The following SDC2 variants were observed in gnomAD, a reference collection of about 807,000 sequenced individuals.
SDC2 encodes the protein syndecan 2.
SDC2 carries 13 observed loss-of-function variants against 22.2 expected under a neutral mutation model. The ratio of observed to expected loss-of-function variants is 0.59; its 90% confidence interval spans 0.38 to 0.93. The LOEUF (loss-of-function observed/expected upper bound fraction) is 0.93. Among genes scored for constraint, SDC2 ranks in the 40% least tolerant of loss-of-function variants. SDC2 has a pLI of 0.00. For missense variants in SDC2, 235 were observed against 246.8 expected (o/e 0.95, Z 0.32); for synonymous variants, 94 against 92.8 (o/e 1.01, Z -0.07).
At chr8:96,515,231 AC>A (rs1397566974) in intron 1 of SDC2, among the ~76,000 whole-genome samples, 1 of 152,156 alleles carries the variant, frequency 6.6e-6, no homozygotes, top group African/African-American at 2.4e-5. Context: ...CTTTCTACTT[AC>A]TGCCTTGCAA....
intron 1 of SDC2, among the ~76,000 whole-genome samples, chr8:96,560,548 G>A (rs1180535424): frequency 6.6e-6 from 1 of 152,130 alleles, no homozygotes; most frequent in Non-Finnish European, 1.5e-5. Context: ...GGAAAGGATG[G>A]AGTTTTATGT....
intron 1 of SDC2, among the ~76,000 whole-genome samples, chr8:96,567,863 T>A (rs984603340): frequency 1.3e-5 from 2 of 152,218 alleles, no homozygotes; most frequent in South Asian, 4.1e-4. Context: ...CAGGCACTCT[T>A]AGACAATGTG....
At chr8:96,531,754 T>C (rs1195161846) in intron 1 of SDC2, among the ~76,000 whole-genome samples, 1 of 152,240 alleles carries the variant, frequency 6.6e-6, no homozygotes, top group Non-Finnish European at 1.5e-5. Context: ...GTTCTGGTAA[T>C]CTCTAAATTC....
chr8:96,554,858 T>C (rs931793023), intron 1 of SDC2, among the ~76,000 whole-genome samples: 1 of 152,216 alleles, frequency 6.6e-6, no homozygotes, highest in Non-Finnish European at 1.5e-5. Flanking sequence ...CCTGACATCC[T>C]GCCTTCAGCA....
At chr8:96,592,842 T>TCTCC (rs1333170522) in intron 1 of SDC2, among the ~76,000 whole-genome samples, 1 of 152,228 alleles carries the variant, frequency 6.6e-6, no homozygotes, top group Non-Finnish European at 1.5e-5. Flanking sequence ...CAGTGGGCTT[T>TCTCC]CTCCCTGTCA....
rs1392249388 is a variant in SDC2, at chr8:96,494,182, G to C, written c.-90G>C. ...CGCTGCGGTACTCTGCTCCGGATTCGTGTGCGCGGGCTGCGCCGAGCGCTG... is the reference window on the plus strand; with the variant it reads ...CGCTGCGGTACTCTGCTCCGGATTCCTGTGCGCGGGCTGCGCCGAGCGCTG... On this transcript the variant is annotated 5_prime_UTR_variant, in exon 1 of 5. Transcript: ENST00000302190. 57 of 1,349,808 alleles carry C rather than the reference G, an allele frequency of 4.2e-5. No homozygotes were observed. Among genetic ancestry groups the C allele is most frequent in the Non-Finnish European group, 5.4e-5 (53 of 984,792 alleles). The allele number at this position is 1,349,808 out of a possible 1,614,324, so 83.6% of individuals were successfully genotyped here.
chr8:96,526,998 C>T (rs755611542), intron 1 of SDC2, among the ~76,000 whole-genome samples: 3 of 152,178 alleles, frequency 2.0e-5, no homozygotes, highest in Non-Finnish European at 2.9e-5. Flanking sequence ...CAATACTTGG[C>T]TCTCTTTTTG....
intron 1 of SDC2, among the ~76,000 whole-genome samples, chr8:96,543,984 ACT>A (rs1195448872): frequency 3.9e-5 from 6 of 152,136 alleles, no homozygotes; most frequent in Non-Finnish European, 8.8e-5. Flanking sequence ...TATGTTAGTG[ACT>A]TACTCGAGAT....
intron 1 of SDC2, among the ~76,000 whole-genome samples, chr8:96,570,386 A>G (rs1013657479): frequency 6.6e-6 from 1 of 152,240 alleles, no homozygotes; most frequent in Admixed American, 6.5e-5. Flanking sequence ...AGAAATATTT[A>G]TATGATTGTA....
intron 1 of SDC2, among the ~76,000 whole-genome samples, chr8:96,578,679 A>G (rs1814542158): frequency 6.6e-6 from 1 of 152,232 alleles, no homozygotes; most frequent in Non-Finnish European, 1.5e-5. Context: ...AAGCTGTGAA[A>G]TGCCCCCTGT....
At chr8:96,524,891 A>G (rs1210624348) in intron 1 of SDC2, among the ~76,000 whole-genome samples, 1 of 152,136 alleles carries the variant, frequency 6.6e-6, no homozygotes, top group African/African-American at 2.4e-5. Flanking sequence ...TTACTGCTCA[A>G]TCTTGGGAAG....
At chr8:96,584,198 A>T (rs1474026902) in intron 1 of SDC2, among the ~76,000 whole-genome samples, 1 of 152,232 alleles carries the variant, frequency 6.6e-6, no homozygotes, top group Non-Finnish European at 1.5e-5. Context: ...AACACTTGGA[A>T]ATTCTATCCA....
At chr8:96,597,967 A>C (rs1814908847) in intron 2 of SDC2, among the ~76,000 whole-genome samples, 1 of 152,226 alleles carries the variant, frequency 6.6e-6, no homozygotes, top group Admixed American at 6.5e-5. Context: ...GTCTAAGTCC[A>C]TTCAGGTTGC....
chr8:96,599,386 G>GA (rs540531646), intron 2 of SDC2, among the ~76,000 whole-genome samples: 1 of 152,094 alleles, frequency 6.6e-6, no homozygotes, highest in Non-Finnish European at 1.5e-5. Context: ...GCCCTAGACT[G>GA]AAATTTTTCA....
intron 1 of SDC2, among the ~76,000 whole-genome samples, chr8:96,587,475 T>G (rs993013152): frequency 1.3e-5 from 2 of 152,224 alleles, no homozygotes; most frequent in Non-Finnish European, 2.9e-5. Context: ...AAGATCATCT[T>G]TTTCCCACAG....
At chr8:96,521,327 A>C (rs1278088167) in intron 1 of SDC2, among the ~76,000 whole-genome samples, 1 of 152,240 alleles carries the variant, frequency 6.6e-6, no homozygotes, top group Non-Finnish European at 1.5e-5. Flanking sequence ...AGGTAAATAG[A>C]TCATTCCAGT....
intron 1 of SDC2, among the ~76,000 whole-genome samples, chr8:96,551,695 A>G (rs1814030459): frequency 6.6e-6 from 1 of 152,208 alleles, no homozygotes; most frequent in African/African-American, 2.4e-5. Context: ...GAATTTAATC[A>G]TTTATGAGAG....
At chr8:96,562,739 A>G (rs2130564839) in intron 1 of SDC2, among the ~76,000 whole-genome samples, 1 of 152,292 alleles carries the variant, frequency 6.6e-6, no homozygotes, top group Admixed American at 6.5e-5. Context: ...CTAAAATAAA[A>G]TTAGCATTGC....
chr8:96,521,742 T>C (rs1204747200), intron 1 of SDC2, among the ~76,000 whole-genome samples: 8 of 152,198 alleles, frequency 5.3e-5, no homozygotes, highest in African/African-American at 1.7e-4. Flanking sequence ...CTTTTAAAGG[T>C]TGGGGAGCTA....
Sources: gnomAD v4.1 joint callset for allele counts (sites outside exome capture counted in the v4.1 genomes callset) on GRCh38, gnomAD v4.1.1 for gene constraint, MANE v1.5 for transcripts, NCBI Gene and HGNC (gene_info 2026-07-23, HGNC 2026-07-21) for gene names.